Variants in PLEKHA2 observed in about 807,000 individuals in gnomAD.
The protein encoded by PLEKHA2 is pleckstrin homology domain containing A2, also known as pleckstrin homology domain-containing family A member 2.
In PLEKHA2, 28 loss-of-function variants were observed where a neutral mutation model predicts 53.2. That is an observed-to-expected ratio of 0.53 (90% CI 0.39 to 0.72). The LOEUF is 0.72. PLEKHA2 is among the 30% of genes least tolerant of loss of function. The pLI is 0.00. For missense variants in PLEKHA2, 426 were observed against 537.9 expected (o/e 0.79, Z 2.06); for synonymous variants, 193 against 196.4 (o/e 0.98, Z 0.14).
chr8:38,949,940 A>G (rs1309030181), intron 5 of PLEKHA2, among the ~76,000 whole-genome samples: 3 of 152,108 alleles, frequency 2.0e-5, no homozygotes, highest in Admixed American at 6.6e-5. Flanking sequence ...GACTTCATGG[A>G]CCCCTTGTTC....
At chr8:38,918,721 C>T (rs551560345) in intron 2 of PLEKHA2, among the ~76,000 whole-genome samples, 641 of 148,544 alleles carry the variant, frequency 4.3e-3, no homozygotes, top group Non-Finnish European at 7.5e-3. Context: ...GCACCTCATA[C>T]ACATGCAGAC....
At chr8:38,946,274 G>A (rs1834713292) in intron 5 of PLEKHA2, 53 bp downstream of exon 5, 2 of 1,467,700 alleles carry the variant, frequency 1.4e-6, no homozygotes, top group South Asian at 1.2e-5. Context: ...CTCTTCCCAG[G>A]CTATGGCCTT....
At chr8:38,944,253 A>G (rs1380723139) in intron 4 of PLEKHA2, among the ~76,000 whole-genome samples, 2 of 152,092 alleles carry the variant, frequency 1.3e-5, no homozygotes, top group African/African-American at 2.4e-5. Context: ...GGTGGCTCAC[A>G]CCTATAATCC....
At chr8:38,931,715 G>A (rs541900206) in intron 2 of PLEKHA2, among the ~76,000 whole-genome samples, 1 of 152,248 alleles carries the variant, frequency 6.6e-6, no homozygotes, top group South Asian at 2.1e-4. Flanking sequence ...TAAAAATTAA[G>A]GAGTCCCCTC....
chr8:38,919,628 G>C (rs13254784), intron 2 of PLEKHA2, among the ~76,000 whole-genome samples: 53 of 151,998 alleles, frequency 3.5e-4, no homozygotes, highest in African/African-American at 1.3e-3. Flanking sequence ...CTAGGTCACT[G>C]TCCAGGGACT....
rs200560678 is a variant in PLEKHA2 at position 38,934,431 on chromosome 8, AT to A, written c.142-1552del. Among the ~76,000 whole-genome samples, 136 of 147,206 alleles carry A rather than the reference AT, an allele frequency of 9.2e-4. No homozygotes were observed. The Middle Eastern group carries it at 0.01, about 11-fold the overall frequency. On this transcript the variant is annotated intron_variant, in intron 2 of 11. Coordinates refer to ENST00000617275, the MANE Select transcript of PLEKHA2 (RefSeq NM_021623.2). ...ACCCCAGGTAATGGGGGCTTCAGAGATTTTTTTTTTTCTTTTTTGAGATGGA... is the reference window on the plus strand; with the variant it reads ...ACCCCAGGTAATGGGGGCTTCAGAGATTTTTTTTTTCTTTTTTGAGATGGA...
At chr8:38,915,378 G>A (rs951358133) in intron 1 of PLEKHA2, among the ~76,000 whole-genome samples, 3 of 152,240 alleles carry the variant, frequency 2.0e-5, no homozygotes, top group Non-Finnish European at 4.4e-5. Context: ...CCGATCTGGA[G>A]GCTGAAAGTC....
At chr8:38,923,590 A>G (rs1834231727) in intron 2 of PLEKHA2, among the ~76,000 whole-genome samples, 1 of 152,190 alleles carries the variant, frequency 6.6e-6, no homozygotes, top group African/African-American at 2.4e-5. Flanking sequence ...TTGTTAACAC[A>G]TATTTACTAA....
intron 10 of PLEKHA2, among the ~76,000 whole-genome samples, chr8:38,959,796 C>T (rs556057180): frequency 8.5e-5 from 13 of 152,228 alleles, no homozygotes; most frequent in African/African-American, 2.6e-4. Context: ...CAGGTATGCC[C>T]GGATGTTTGG....
At chr8:38,904,435 A>G (rs931776089) in intron 1 of PLEKHA2, among the ~76,000 whole-genome samples, 2 of 152,170 alleles carry the variant, frequency 1.3e-5, no homozygotes, top group Non-Finnish European at 2.9e-5. Flanking sequence ...TATGCTCTTG[A>G]GAAGCACTGC....
chr8:38,954,753 C>T (rs553926315), intron 9 of PLEKHA2, among the ~76,000 whole-genome samples: 75 of 152,238 alleles, frequency 4.9e-4, no homozygotes, highest in South Asian at 1.7e-3. Flanking sequence ...TTAGGCCGGG[C>T]GTGGTGGCTC....
chr8:38,917,424 G>A (rs1026859647), intron 1 of PLEKHA2, among the ~76,000 whole-genome samples: 2 of 152,126 alleles, frequency 1.3e-5, no homozygotes, highest in African/African-American at 4.8e-5. Context: ...ATTGAGTTGC[G>A]AGCCACTTCA....
intron 1 of PLEKHA2, among the ~76,000 whole-genome samples, chr8:38,903,654 G>A (rs569466896): frequency 1.3e-5 from 2 of 152,292 alleles, no homozygotes; most frequent in East Asian, 3.9e-4. Context: ...AGGATACTAG[G>A]AAGACCCAAG....
chr8:38,907,510 G>T (rs200775375), intron 1 of PLEKHA2, among the ~76,000 whole-genome samples: 2 of 152,134 alleles, frequency 1.3e-5, no homozygotes, highest in Admixed American at 6.6e-5. Flanking sequence ...GGGCACAGTG[G>T]CTCATGCCTA....
chr8:38,928,812 G>A (rs1834335397), intron 2 of PLEKHA2, among the ~76,000 whole-genome samples: 1 of 152,210 alleles, frequency 6.6e-6, no homozygotes, highest in East Asian at 1.9e-4. Flanking sequence ...CTATCAGCGT[G>A]TCGTGTGTCC....
chr8:38,936,154 T>A, intron 3 of PLEKHA2, 104 bp downstream of exon 3: 1 of 1,261,820 alleles, frequency 7.9e-7, no homozygotes, highest in Admixed American at 1.7e-5. Context: ...TTAGGGACGT[T>A]GCATGGTGTT....
chr8:38,918,196 G>T, intron 2 of PLEKHA2, 126 bp downstream of exon 2: 1 of 1,272,064 alleles, frequency 7.9e-7, no homozygotes, highest in Non-Finnish European at 1.1e-6. Flanking sequence ...GCAGGGAGGG[G>T]ACAACCCTAC....
chr8:38,962,184 T>A (rs1835052683), intron 10 of PLEKHA2, among the ~76,000 whole-genome samples: 1 of 152,022 alleles, frequency 6.6e-6, no homozygotes, highest in Non-Finnish European at 1.5e-5. Context: ...CCAACTTGGG[T>A]TGTTTGCGAG....
At chr8:38,910,203 C>T (rs1013608944) in intron 1 of PLEKHA2, among the ~76,000 whole-genome samples, 5 of 152,132 alleles carry the variant, frequency 3.3e-5, no homozygotes, top group Non-Finnish European at 4.4e-5. Flanking sequence ...GTGATCAGCC[C>T]GCCTTGGCCT....
Sources: allele counts gnomAD v4.1 joint callset (sites outside exome capture counted in the v4.1 genomes callset), GRCh38; gene constraint gnomAD v4.1.1; transcripts MANE v1.5; gene names NCBI Gene and HGNC (gene_info 2026-07-23, HGNC 2026-07-21).